The following RGL1 variants were observed in gnomAD, a reference collection of about 807,000 sequenced individuals.
RGL1 encodes the protein ral guanine nucleotide dissociation stimulator-like 1.
Under a neutral mutation model 95.2 loss-of-function variants are expected in RGL1, and 24 were observed. The ratio of observed to expected loss-of-function variants is 0.25; its 90% CI spans 0.18 to 0.35. The LOEUF (loss-of-function observed/expected upper bound fraction) is 0.35. Among genes scored for constraint, RGL1 ranks in the 10% least tolerant of loss-of-function variants. RGL1 has a pLI of 1.00. For missense variants in RGL1, 715 were observed against 936.3 expected, an observed-to-expected ratio of 0.76 and a Z score of 3.08; for synonymous variants, 329 against 344.9, an observed-to-expected ratio of 0.95 and a Z score of 0.51.
At chr1:183,794,613 A>G (rs771478138) in intron 2 of RGL1, among the ~76,000 whole-genome samples, 1 of 152,210 alleles carries the variant, frequency 6.6e-6, no homozygotes, top group Non-Finnish European at 1.5e-5. Flanking sequence ...AAATTTTTTA[A>G]AAATCTGCCA....
intron 1 of RGL1, among the ~76,000 whole-genome samples, chr1:183,713,384 C>CCCA (rs1655424018): frequency 7.3e-6 from 1 of 137,038 alleles, no homozygotes; most frequent in South Asian, 2.6e-4. Flanking sequence ...GCACCCCCCC[C>CCCA]CCCCGCTTTT....
chr1:183,738,570 G>C (rs1168247633), intron 1 of RGL1, among the ~76,000 whole-genome samples: 1 of 152,110 alleles, frequency 6.6e-6, no homozygotes, highest in Non-Finnish European at 1.5e-5. Flanking sequence ...CTTTTTAGCG[G>C]AATAGGTAGG....
At chr1:183,643,266 A>T (rs75468646) in intron 1 of RGL1, among the ~76,000 whole-genome samples, 6 of 137,796 alleles carry the variant, frequency 4.4e-5, no homozygotes, top group Non-Finnish European at 6.5e-5. Flanking sequence ...CTGTTTTTTT[A>T]TTTATTTATT....
intron 11 of RGL1, 47 bp from the exon 12 acceptor site, chr1:183,902,521 T>C: frequency 6.4e-7 from 1 of 1,563,798 alleles, no homozygotes; most frequent in Non-Finnish European, 8.7e-7. Context: ...ATGGCTGTGT[T>C]TTAAAGTAGC....
At chr1:183,902,015 C>T (rs1348609656) in intron 11 of RGL1, among the ~76,000 whole-genome samples, 1 of 152,212 alleles carries the variant, frequency 6.6e-6, no homozygotes, top group Admixed American at 6.5e-5. Flanking sequence ...ACTTCTATGT[C>T]TCTTCACATC....
intron 1 of RGL1, among the ~76,000 whole-genome samples, chr1:183,688,789 A>T (rs1284790732): frequency 6.6e-6 from 1 of 152,178 alleles, no homozygotes; most frequent in Non-Finnish European, 1.5e-5. Context: ...AAAAATTTCC[A>T]AGCAGACCAT....
intron 2 of RGL1, among the ~76,000 whole-genome samples, chr1:183,837,340 T>C (rs1663735359): frequency 6.6e-6 from 1 of 152,194 alleles, no homozygotes; most frequent in Non-Finnish European, 1.5e-5. Context: ...TTGGTTGGGC[T>C]GCACAAAAAC....
chr1:183,655,731 A>G (rs1651109439), intron 1 of RGL1, among the ~76,000 whole-genome samples: 1 of 152,188 alleles, frequency 6.6e-6, no homozygotes, highest in African/African-American at 2.4e-5. Context: ...TGCTAACACC[A>G]CAGACTTTCT....
intron 2 of RGL1, among the ~76,000 whole-genome samples, chr1:183,807,342 G>GGGT (rs1205197652): frequency 6.6e-5 from 10 of 152,220 alleles, no homozygotes; most frequent in African/African-American, 2.2e-4. Context: ...TGAATAGAGG[G>GGGT]GGTGGAGTGT....
chr1:183,648,973 TC>T (rs1650522659), intron 1 of RGL1, among the ~76,000 whole-genome samples: 1 of 152,204 alleles, frequency 6.6e-6, no homozygotes, highest in Admixed American at 6.5e-5. Context: ...TTATTGAGAC[TC>T]CTAGAGCATG....
intron 9 of RGL1, among the ~76,000 whole-genome samples, chr1:183,893,210 C>T (rs138963974): frequency 6.6e-6 from 1 of 152,284 alleles, no homozygotes; most frequent in African/African-American, 2.4e-5. Flanking sequence ...ATTACAGTCT[C>T]ATGTGGGAGG....
chr1:183,731,206 A>G (rs1296588082), intron 1 of RGL1, among the ~76,000 whole-genome samples: 2 of 152,234 alleles, frequency 1.3e-5, no homozygotes, highest in Non-Finnish European at 2.9e-5. Context: ...AATAGATTCC[A>G]TATGTTGTTT....
chr1:183,812,307 G>A (rs1661777018), intron 2 of RGL1, among the ~76,000 whole-genome samples: 1 of 152,208 alleles, frequency 6.6e-6, no homozygotes. Flanking sequence ...TTGCCAATGG[G>A]TGTGGCTATC....
intron 1 of RGL1, among the ~76,000 whole-genome samples, chr1:183,705,791 T>C (rs1654878010): frequency 6.6e-6 from 1 of 152,210 alleles, no homozygotes; most frequent in Non-Finnish European, 1.5e-5. Context: ...ATAAGTTCCA[T>C]CTGGCTTTTT....
intron 2 of RGL1, among the ~76,000 whole-genome samples, chr1:183,838,633 G>A (rs150149611): frequency 8.5e-5 from 13 of 152,262 alleles, no homozygotes; most frequent in African/African-American, 3.1e-4. Context: ...GTTCAGAGGT[G>A]TAATTCCCTT....
chr1:183,681,119 A>G (rs1653183922), intron 1 of RGL1, among the ~76,000 whole-genome samples: 1 of 152,218 alleles, frequency 6.6e-6, no homozygotes, highest in African/African-American at 2.4e-5. Flanking sequence ...GTCTTCTGCA[A>G]ACAGAGACAA....
chr1:183,878,020 A>C (rs1464445530), intron 4 of RGL1, among the ~76,000 whole-genome samples: 1 of 152,178 alleles, frequency 6.6e-6, no homozygotes, highest in Non-Finnish European at 1.5e-5. Flanking sequence ...TAACTTAAAT[A>C]CCTGCCTTCC....
At chr1:183,916,362 T>G in intron 15 of RGL1, 85 bp from the exon 16 acceptor site, 93 of 1,507,110 alleles carry the variant, frequency 6.2e-5, no homozygotes, top group Non-Finnish European at 7.5e-5. Context: ...CTATCAGTCT[T>G]GATATCTACC....
At chr1:183,909,047 A>G (rs1394502042) in intron 14 of RGL1, among the ~76,000 whole-genome samples, 1 of 152,218 alleles carries the variant, frequency 6.6e-6, no homozygotes, top group East Asian at 1.9e-4. Flanking sequence ...TATGCCCTTC[A>G]CAAAGTGTGG....
Sources: allele counts gnomAD v4.1 joint callset (sites outside exome capture counted in the v4.1 genomes callset), GRCh38; gene constraint gnomAD v4.1.1; transcripts MANE v1.5; gene names NCBI Gene and HGNC (gene_info 2026-07-23, HGNC 2026-07-21).